Variants in HACD4 observed in about 807,000 individuals in gnomAD.
HACD4 encodes very-long-chain (3R)-3-hydroxyacyl-CoA dehydratase 4.
HACD4 carries 35 observed loss-of-function variants against 33.3 expected under a neutral mutation model. The ratio of observed to expected loss-of-function variants is 1.05; its 90% CI spans 0.80 to 1.39. The LOEUF is 1.39. HACD4 is among the 40% of genes most tolerant of loss of function. The pLI is 0.00. For synonymous variants in HACD4, 118 were observed against 98.0 expected (o/e 1.20, Z -1.21); for missense variants, 323 against 276.5 (o/e 1.17, Z -1.19).
In HACD4 at chr9:21,008,061, G is replaced by C; in HGVS notation, c.576C>G (p.Phe192Leu). Reference sequence around the variant, plus strand: ...TGAGATATATTTTCAGCACATATGGGAAATAGATGGATAAGTCAAAGGGCA... The same window carrying C: ...TGAGATATATTTTCAGCACATATGGCAAATAGATGGATAAGTCAAAGGGCA... Reference protein sequence around the residue: ...TKLPFDLSIYFPYVLKIYLMM... With the variant: ...TKLPFDLSIYLPYVLKIYLMM... The change falls in exon 6 of 7, where the codon TTC becomes TTG. Residue 192 changes from phenylalanine to leucine, a missense_variant. Transcript: ENST00000495827. 1 of 1,609,388 alleles carries C rather than the reference G, an allele frequency of 6.2e-7. No homozygotes were observed. Among genetic ancestry groups the C allele is most frequent in the African/African-American group, 1.3e-5 (1 of 74,772 alleles).
At chr9:21,022,276 G>A (rs1817933503) in intron 3 of HACD4, among the ~76,000 whole-genome samples, 1 of 152,108 alleles carries the variant, frequency 6.6e-6, no homozygotes, top group South Asian at 2.1e-4. Context: ...AAAAACCCTA[G>A]AAGAACACCT....
At chr9:21,028,148 A>G (rs549100272) in intron 2 of HACD4, among the ~76,000 whole-genome samples, 2 of 151,080 alleles carry the variant, frequency 1.3e-5, no homozygotes, top group South Asian at 2.1e-4. Context: ...AAAAAAAAAA[A>G]AAAGAAAAAA....
At chr9:21,029,100 G>A (rs954739057) in intron 2 of HACD4, among the ~76,000 whole-genome samples, 195 bp downstream of exon 2, 1 of 152,178 alleles carries the variant, frequency 6.6e-6, no homozygotes. Context: ...TCAGGGGGAA[G>A]CCAAATCCCT....
rs574050731 is a variant in HACD4 at position 21,009,324 on chromosome 9, A to T, written c.491-1178T>A. On this transcript the variant is annotated intron_variant, in intron 5 of 6. Transcript: ENST00000495827. The stretch of plus-strand genomic sequence containing the variant: ...TATCTCTAGACTATTTTCTGCATAT[A>T]CCTTATTTTGTAATTGCAAGAATAA... Among the ~76,000 whole-genome samples, 9 of 152,302 alleles carry T rather than the reference A, an allele frequency of 5.9e-5. No individual in the cohort carries two copies. In the South Asian group the frequency reaches 1.9e-3, roughly 32 times the overall value.
intron 4 of HACD4, chr9:21,015,533 CTG>C (rs914031280): frequency 7.5e-5 from 12 of 160,034 alleles, no homozygotes; most frequent in African/African-American, 2.6e-4. Context: ...CAGAAACTAA[CTG>C]TAAATTCTGG....
intron 6 of HACD4, among the ~76,000 whole-genome samples, chr9:21,007,816 C>T (rs1325331521): frequency 1.3e-5 from 2 of 152,102 alleles, no homozygotes; most frequent in Non-Finnish European, 2.9e-5. Flanking sequence ...CTTATTTGTA[C>T]AGTGAAAGTG....
chr9:21,007,205 C>G, intron 6 of HACD4, 86 bp from the exon 7 acceptor site: 1 of 758,426 alleles, frequency 1.3e-6, no homozygotes, highest in Admixed American at 2.0e-5. Flanking sequence ...AGTCAGAGTG[C>G]TGCCCAAATC....
chr9:21,015,291 G>A (rs1173322901), intron 4 of HACD4: 1 of 152,148 alleles, frequency 6.6e-6, no homozygotes, highest in Non-Finnish European at 1.5e-5. Flanking sequence ...TAGGAAAGCT[G>A]ACCTAGCAGT....
chr9:21,001,449 A>G lies in HACD4; in HGVS notation c.*5588T>C, dbSNP rs1235866676. On this transcript the variant is annotated 3_prime_UTR_variant, in exon 7 of 7. Transcript: ENST00000495827. ...TAAGGATCTGTGGGACCCATCAAGCAGACCAACATACACATTGTGAGGATC... is the reference window on the plus strand; with the variant it reads ...TAAGGATCTGTGGGACCCATCAAGCGGACCAACATACACATTGTGAGGATC... 1.3e-5 allele frequency: 2 copies of G among 152,050 alleles called. No individual in the cohort carries two copies. The highest frequency in any genetic ancestry group is 2.9e-5 in the Non-Finnish European group (2 of 67,952). 9.4% of individuals were successfully genotyped at this position (152,050 alleles called of 1,614,324 possible). A position where few individuals can be genotyped will look rare whatever the true frequency, so the allele number is the denominator to read the frequency against.
At chr9:21,019,115 T>C (rs948967820) in intron 3 of HACD4, among the ~76,000 whole-genome samples, 3 of 152,102 alleles carry the variant, frequency 2.0e-5, no homozygotes, top group East Asian at 1.9e-4. Context: ...ATTTAAATAA[T>C]TGTATTTGCT....
At position 21,031,570 on chromosome 9, in the gene HACD4, G is replaced by C; in HGVS notation, c.21C>G (p.Pro7=). Residue 7 remains proline (P), a synonymous_variant, in exon 1 of 7, where the codon CCC becomes CCG. Transcript: ENST00000495827. The stretch of plus-strand genomic sequence containing the variant: ...CGCCCTACCTGGGCTGCAGCCAGGC[G>C]GGCAGCGCCAAGGGCCCCATGGGCC... MGPLAL[P]AWLQPRYRKN... 1 of 1,452,946 alleles carries C rather than the reference G, an allele frequency of 6.9e-7. No homozygotes were observed. Among genetic ancestry groups the C allele is most frequent in the Non-Finnish European group, 9.0e-7 (1 of 1,108,854 alleles). 90.0% of individuals were successfully genotyped at this position (1,452,946 alleles called of 1,614,324 possible).
At chr9:21,017,016 G>A (rs961789747) in intron 3 of HACD4, among the ~76,000 whole-genome samples, 2 of 152,016 alleles carry the variant, frequency 1.3e-5, no homozygotes, top group African/African-American at 4.8e-5. Context: ...TGTACATTCT[G>A]TATTTTGTGT....
At chr9:21,017,185 T>TTA (rs1391703218) in intron 3 of HACD4, among the ~76,000 whole-genome samples, 1 of 152,096 alleles carries the variant, frequency 6.6e-6, no homozygotes, top group Non-Finnish European at 1.5e-5. Context: ...GACTTGGCAT[T>TTA]TATAGGCTGC....
chr9:21,010,062 T>C (rs185087499), intron 5 of HACD4, among the ~76,000 whole-genome samples: 29 of 152,324 alleles, frequency 1.9e-4, no homozygotes, highest in Non-Finnish European at 3.2e-4. Flanking sequence ...ATAGAAAATA[T>C]GTGTTTTTGT....
Position 21,003,734 on chromosome 9 carries a change from A to G in HACD4, c.*3303T>C, listed in dbSNP as rs55804436. 6.6e-6 allele frequency: 1 copy of G among 152,186 alleles called. No homozygotes were observed. The highest frequency in any genetic ancestry group is 6.5e-5 in the Admixed American group (1 of 15,286). 9.4% of individuals were successfully genotyped at this position (152,186 alleles called of 1,614,324 possible). A position where few individuals can be genotyped will look rare whatever the true frequency, so the allele number is the denominator to read the frequency against. On this transcript the variant is annotated 3_prime_UTR_variant, in exon 7 of 7. Coordinates refer to ENST00000495827, the MANE Select transcript of HACD4 (RefSeq NM_001010915.5). ...TTCTTTACCAAAAATTGAGTGATAC[A>G]TCAATGATACAGCAATGACTATCAG...
chr9:21,026,756 G>A (rs769765437), intron 2 of HACD4, 33 bp from the exon 3 acceptor site: 1 of 1,593,648 alleles, frequency 6.3e-7, no homozygotes, highest in Non-Finnish European at 8.6e-7. Context: ...GCAGATATAG[G>A]AAGAAAAAAC....
rs535790950 is a variant in HACD4, at chr9:21,026,474, C to A, written c.270+122G>T. 4.0e-5 allele frequency: 30 copies of A among 753,862 alleles called. No homozygotes were observed. In the Admixed American group the frequency reaches 6.9e-4, roughly 17 times the overall value. 46.7% of individuals were successfully genotyped at this position (753,862 alleles called of 1,614,324 possible). On this transcript the variant is annotated intron_variant, in intron 3 of 6. Transcript: ENST00000495827. ...AGGTTGTCCTTCCATGAAATTAATT[C>A]TCCTTATCAGTGACCTAAGACAAGG...
rs974396139 is a variant in HACD4 at position 21,002,764 on chromosome 9, T to C, written c.*4273A>G. ...TGAAAAAAGTTGTCTTAGATATGTT[T>C]TCAAAATATCTAATGGTTCCTATTT... On this transcript the variant is annotated 3_prime_UTR_variant, in exon 7 of 7. Transcript: ENST00000495827. 5 of 152,206 alleles carry C rather than the reference T, an allele frequency of 3.3e-5. No homozygotes were observed. The highest frequency in any genetic ancestry group is 1.2e-4 in the African/African-American group (5 of 41,462). The allele number at this position is 152,206 out of a possible 1,614,324, so 9.4% of individuals were successfully genotyped here. A position where few individuals can be genotyped will look rare whatever the true frequency, so the allele number is the denominator to read the frequency against.
intron 5 of HACD4, 21 bp from the exon 6 acceptor site, chr9:21,008,167 C>A (rs758641533): frequency 6.3e-7 from 1 of 1,595,920 alleles, no homozygotes; most frequent in Non-Finnish European, 8.5e-7. Flanking sequence ...AGAAAGGCAT[C>A]ATAAAGGTAT....
Sources: allele counts gnomAD v4.1 joint callset (sites outside exome capture counted in the v4.1 genomes callset), GRCh38; gene constraint gnomAD v4.1.1; transcripts MANE v1.5; gene names NCBI Gene and HGNC (gene_info 2026-07-23, HGNC 2026-07-21).